Variants in TECPR2 observed in about 807,000 individuals in gnomAD.
The protein encoded by TECPR2 is tectonin beta-propeller repeat containing 2, also known as tectonin beta-propeller repeat-containing protein 2.
TECPR2 carries 65 observed loss-of-function variants against 138.1 expected under a neutral mutation model. The observed-to-expected ratio is 0.47, with a 90% CI of 0.39 to 0.58. TECPR2 has a LOEUF of 0.58. TECPR2 is among the 20% of genes least tolerant of loss of function. The probability of loss-of-function intolerance (pLI) is 0.00; values close to 1 mark genes in which losing one functional copy is unlikely to be tolerated. For missense variants in TECPR2, 1,553 were observed against 1,824.5 expected (o/e 0.85, Z 2.71); for synonymous variants, 746 against 749.8 (o/e 0.99, Z 0.08).
At chr14:102,477,316 A>G (rs1890786555) in intron 17 of TECPR2, among the ~76,000 whole-genome samples, 1 of 151,094 alleles carries the variant, frequency 6.6e-6, no homozygotes, top group Non-Finnish European at 1.5e-5. Flanking sequence ...GTTGTGGTGA[A>G]CCGTGATGAC....
chr14:102,389,839 A>G (rs1308521378), intron 2 of TECPR2, among the ~76,000 whole-genome samples: 1 of 152,208 alleles, frequency 6.6e-6, no homozygotes, highest in Non-Finnish European at 1.5e-5. Context: ...TCCAGTGGAT[A>G]TTCCCTACTT....
intron 16 of TECPR2, among the ~76,000 whole-genome samples, chr14:102,460,998 ATTT>A (rs888278508): frequency 6.8e-6 from 1 of 147,772 alleles, no homozygotes; most frequent in Non-Finnish European, 1.5e-5. Context: ...CCCAGCCTCA[ATTT>A]TTTTTTTTTA....
chr14:102,415,247 G>A lies in TECPR2; in HGVS notation c.638+454G>A, dbSNP rs141461374. The stretch of plus-strand genomic sequence containing the variant: ...ACGGCAGATCTGAGCCCTCCGTTGT[G>A]GAAATGGAAACACAGATAGAACACT... On this transcript the variant is annotated intron_variant, in intron 5 of 19. Transcript: ENST00000359520. This position sits in a 1 kb window ranked among gnomAD's most constrained non-coding sequence, Gnocchi z 4.3. 6.1e-3 allele frequency among the ~76,000 whole-genome samples: 924 copies of A among 152,320 alleles called. 2 individuals are homozygous for A. Among genetic ancestry groups the A allele is most frequent in the Non-Finnish European group, 9.5e-3 (643 of 68,026 alleles).
chr14:102,376,747 C>G lies in TECPR2; in HGVS notation c.26C>G (p.Thr9Arg), dbSNP rs768261721. MASISEPV[T>R]FREFCPLYYL... The stretch of plus-strand genomic sequence containing the variant: ...ATGGCATCGATATCAGAGCCTGTTA[C>G]ATTCAGAGAGTTCTGCCCGTTGTAC... The change falls in exon 2 of 20, where the codon ACA (threonine) becomes AGA (arginine). Residue 9 changes from threonine to arginine, a missense_variant. By Grantham distance (71) the Thr-to-Arg change is moderately conservative (BLOSUM62 -1). Coordinates refer to ENST00000359520, the MANE Select transcript of TECPR2 (RefSeq NM_014844.5). The G allele has an allele frequency of 6.2e-7, 1 of 1,614,214 alleles. No individual in the cohort carries two copies. Among genetic ancestry groups the G allele is most frequent in the South Asian group, 1.1e-5 (1 of 91,082 alleles).
At chr14:102,497,843 G>A (rs1389284373) in intron 19 of TECPR2, 124 bp downstream of exon 19, 11 of 1,321,948 alleles carry the variant, frequency 8.3e-6, no homozygotes, top group Non-Finnish European at 1.1e-5. Context: ...CAAGAACTGA[G>A]GGCAAAGCCA....
intron 16 of TECPR2, among the ~76,000 whole-genome samples, chr14:102,461,696 G>A (rs1890415542): frequency 6.6e-6 from 1 of 152,150 alleles, no homozygotes; most frequent in African/African-American, 2.4e-5. Context: ...CTAGGGCAGT[G>A]GTCCTCCAGG....
rs1891347703 is a variant in TECPR2 at position 102,498,283 on chromosome 14, G to C, written c.*26G>C. On this transcript the variant is annotated 3_prime_UTR_variant, in exon 20 of 20. Coordinates refer to ENST00000359520, the MANE Select transcript of TECPR2 (RefSeq NM_014844.5). ...AGGAGCCCTGGCCGAGTCACGCGGA[G>C]GGGCCCGGCGTCTGTGGCGGGCACA... is the stretch of plus-strand genomic sequence containing the variant. 1 of 1,587,056 alleles carries C rather than the reference G, an allele frequency of 6.3e-7. No individual in the cohort carries two copies. Among genetic ancestry groups the C allele is most frequent in the Non-Finnish European group, 8.5e-7 (1 of 1,174,386 alleles).
At chr14:102,381,835 A>G (rs1229484456) in intron 2 of TECPR2, among the ~76,000 whole-genome samples, 1 of 152,246 alleles carries the variant, frequency 6.6e-6, no homozygotes, top group Non-Finnish European at 1.5e-5. Context: ...TCTTTAAAAT[A>G]TATTTGACAG....
At chr14:102,487,776 C>T (rs560395957) in intron 17 of TECPR2, among the ~76,000 whole-genome samples, 3 of 151,832 alleles carry the variant, frequency 2.0e-5, no homozygotes, top group South Asian at 4.2e-4. Context: ...CTCCTGACCT[C>T]GTGATCCGCC....
intron 2 of TECPR2, among the ~76,000 whole-genome samples, chr14:102,403,766 C>A (rs1386292629): frequency 2.0e-5 from 3 of 152,026 alleles, no homozygotes; most frequent in Non-Finnish European, 4.4e-5. Flanking sequence ...AGGAAAATTC[C>A]ACTTAAAATG....
intron 2 of TECPR2, among the ~76,000 whole-genome samples, chr14:102,383,167 C>G (rs1217319730): frequency 6.6e-6 from 1 of 152,194 alleles, no homozygotes; most frequent in Non-Finnish European, 1.5e-5. Flanking sequence ...CTTGTGCTAC[C>G]TCCTAATCAT....
rs1190545 is a variant in TECPR2, at chr14:102,437,842, G to C, written c.2395-180G>C. Reference sequence around the variant, plus strand: ...GGAGACAGCAGCACGCGTCTCAGAAGGTTTGTAGTAGAGGGGTGTCCACAG... The same window carrying C: ...GGAGACAGCAGCACGCGTCTCAGAACGTTTGTAGTAGAGGGGTGTCCACAG... On this transcript the variant is annotated intron_variant, in intron 9 of 19. Coordinates refer to ENST00000359520, the MANE Select transcript of TECPR2 (RefSeq NM_014844.5). 0.65 allele frequency among the ~76,000 whole-genome samples: 98,760 copies of C among 151,994 alleles called. 32,774 individuals carry two copies. The highest frequency in any genetic ancestry group is 0.74 in the Non-Finnish European group (50,060 of 67,986).
chr14:102,402,464 C>T (rs955554109), intron 2 of TECPR2, among the ~76,000 whole-genome samples: 11 of 151,758 alleles, frequency 7.2e-5, no homozygotes, highest in Admixed American at 6.6e-5. Context: ...AAATCAACAA[C>T]CTAAACTTTA....
intron 5 of TECPR2, among the ~76,000 whole-genome samples, chr14:102,423,749 G>C (rs1292571961): frequency 2.0e-5 from 3 of 152,258 alleles, no homozygotes; most frequent in Non-Finnish European, 2.9e-5. Context: ...TCTTTTGTTT[G>C]TGTCAGATAT....
intron 1 of TECPR2, among the ~76,000 whole-genome samples, chr14:102,363,834 G>C (rs959070716): frequency 3.3e-5 from 5 of 152,188 alleles, no homozygotes; most frequent in Non-Finnish European, 7.3e-5. Context: ...TGCATGTAAA[G>C]TTAAGCACGG....
chr14:102,423,377 C>T (rs1889235132), intron 5 of TECPR2, among the ~76,000 whole-genome samples: 1 of 151,396 alleles, frequency 6.6e-6, no homozygotes, highest in Non-Finnish European at 1.5e-5. Context: ...GGTTCCATTG[C>T]ATTGAGCCCA....
intron 17 of TECPR2, among the ~76,000 whole-genome samples, chr14:102,486,451 A>G (rs1005654824): frequency 4.6e-5 from 7 of 152,154 alleles, no homozygotes; most frequent in Admixed American, 3.3e-4. Flanking sequence ...AGGTGTGTGT[A>G]CAAAATACAA....
intron 17 of TECPR2, among the ~76,000 whole-genome samples, chr14:102,470,893 A>G (rs1382798180): frequency 6.7e-6 from 1 of 149,224 alleles, no homozygotes; most frequent in Non-Finnish European, 1.5e-5. Context: ...ATCTCAGCTC[A>G]CTGCAGCCTC....
chr14:102,394,962 C>T (rs1024303096), intron 2 of TECPR2, among the ~76,000 whole-genome samples: 1 of 152,166 alleles, frequency 6.6e-6, no homozygotes, highest in Admixed American at 6.6e-5. Context: ...TTCCGCCGTC[C>T]TGTCCTGCTC....
Sources: allele counts gnomAD v4.1 joint callset (sites outside exome capture counted in the v4.1 genomes callset), GRCh38; gene constraint gnomAD v4.1.1; non-coding constraint Gnocchi (gnomAD v3.1); transcripts MANE v1.5; gene names NCBI Gene and HGNC (gene_info 2026-07-23, HGNC 2026-07-21).